The following LTBP1 variants were observed in gnomAD, a reference collection of about 807,000 sequenced individuals.
LTBP1 encodes the protein latent-transforming growth factor beta-binding protein 1.
A neutral mutation model predicts 207.6 loss-of-function variants in LTBP1; 129 were observed. The observed-to-expected ratio is 0.62, with a 90% CI of 0.54 to 0.72. The LOEUF (loss-of-function observed/expected upper bound fraction) is 0.72. LTBP1 is among the 30% of genes least tolerant of loss of function. The pLI is 0.00. For synonymous variants in LTBP1, 963 were observed against 833.7 expected, an observed-to-expected ratio of 1.16 and a Z score of -2.67; for missense variants, 2,281 against 2,217.2, an observed-to-expected ratio of 1.03 and a Z score of -0.58.
At chr2:32,985,684 C>G (rs1274710646) in intron 2 of LTBP1, among the ~76,000 whole-genome samples, 5 of 152,152 alleles carry the variant, frequency 3.3e-5, no homozygotes, top group African/African-American at 4.8e-5. Context: ...TTCATTGATT[C>G]AAATAATATT....
chr2:33,028,666 A>G (rs1057232601), intron 3 of LTBP1, among the ~76,000 whole-genome samples: 5 of 152,190 alleles, frequency 3.3e-5, no homozygotes, highest in African/African-American at 1.2e-4. Flanking sequence ...TTCAAGTACC[A>G]TAAAGTCCCA....
At chr2:33,241,448 G>A (rs942074154) in intron 9 of LTBP1, among the ~76,000 whole-genome samples, 2 of 152,226 alleles carry the variant, frequency 1.3e-5, no homozygotes, top group African/African-American at 2.4e-5. Context: ...AGGGGCATTG[G>A]AAGAGGGTAC....
At chr2:32,957,474 G>A (rs1457404689) in intron 2 of LTBP1, among the ~76,000 whole-genome samples, 3 of 152,140 alleles carry the variant, frequency 2.0e-5, no homozygotes, top group Non-Finnish European at 2.9e-5. Flanking sequence ...GAGAGATGAG[G>A]GAACGGCTGG....
intron 7 of LTBP1, among the ~76,000 whole-genome samples, chr2:33,196,780 T>C (rs2088618702): frequency 6.6e-6 from 1 of 152,194 alleles, no homozygotes; most frequent in South Asian, 2.1e-4. Flanking sequence ...CCTTGATTAA[T>C]ATTAGGAAGG....
At chr2:33,198,934 C>T (rs1470187984) in intron 7 of LTBP1, among the ~76,000 whole-genome samples, 3 of 152,118 alleles carry the variant, frequency 2.0e-5, no homozygotes, top group African/African-American at 7.2e-5. Context: ...TTCTTGCCTT[C>T]TGCTAGCTTT....
chr2:33,073,882 C>T (rs149834977), intron 3 of LTBP1, among the ~76,000 whole-genome samples: 1,739 of 152,316 alleles, frequency 0.011, 36 homozygotes, highest in African/African-American at 0.04. Flanking sequence ...CCGCCTCGGC[C>T]TCCCGAAGTG....
At chr2:33,387,771 A>G (rs551784470) in intron 31 of LTBP1, among the ~76,000 whole-genome samples, 2 of 151,716 alleles carry the variant, frequency 1.3e-5, no homozygotes, top group Admixed American at 6.6e-5. Context: ...AATAAACACA[A>G]TAGGGGAAAA....
intron 20 of LTBP1, 61 bp downstream of exon 20, chr2:33,293,343 C>CA: frequency 6.7e-7 from 1 of 1,501,400 alleles, no homozygotes; most frequent in Non-Finnish European, 9.0e-7. Context: ...TAGATTAGAG[C>CA]AATTAGCCTT....
intron 25 of LTBP1, among the ~76,000 whole-genome samples, chr2:33,344,034 A>G (rs1043162582): frequency 6.6e-6 from 1 of 152,234 alleles, no homozygotes; most frequent in African/African-American, 2.4e-5. Context: ...AAAATTTGCA[A>G]TTAAGACATT....
At chr2:33,022,043 G>T (rs1035773815) in intron 3 of LTBP1, among the ~76,000 whole-genome samples, 1 of 152,166 alleles carries the variant, frequency 6.6e-6, no homozygotes, top group Admixed American at 6.5e-5. Context: ...TGGGCTTGAC[G>T]TAGCAGTTCA....
Position 33,145,064 on chromosome 2 carries a change from T to C in LTBP1, c.1201+10104T>C, listed in dbSNP as rs150876225. Among the ~76,000 whole-genome samples, 60 of 152,152 alleles carry C rather than the reference T, an allele frequency of 3.9e-4. 2 individuals are homozygous for C. The East Asian group carries it at 8.7e-3, about 22-fold the overall frequency. On this transcript the variant is annotated intron_variant, in intron 5 of 33. Transcript: ENST00000404816. ...TCATAAAGAAAGAAAATAAGAAGAGTCAGATGCCCTTCCATTGCCAATTTA... is the reference window on the plus strand; with the variant it reads ...TCATAAAGAAAGAAAATAAGAAGAGCCAGATGCCCTTCCATTGCCAATTTA...
chr2:32,989,378 C>T (rs1217767778), intron 2 of LTBP1, among the ~76,000 whole-genome samples: 1 of 152,166 alleles, frequency 6.6e-6, no homozygotes, highest in African/African-American at 2.4e-5. Flanking sequence ...AGTCACAAAT[C>T]ATTTGCATAA....
At chr2:33,224,698 C>G (rs940547114) in intron 9 of LTBP1, among the ~76,000 whole-genome samples, 3 of 152,110 alleles carry the variant, frequency 2.0e-5, no homozygotes, top group Admixed American at 6.5e-5. Context: ...TCCAAAATGT[C>G]AAATGTATTA....
chr2:33,241,988 G>C (rs11692723), intron 9 of LTBP1, among the ~76,000 whole-genome samples: 44,125 of 152,110 alleles, frequency 0.29, 7,270 homozygotes, highest in African/African-American at 0.44. Context: ...TCTAGCTGTA[G>C]CAGTTTCCAG....
chr2:33,124,485 A>T (rs2081327332), intron 4 of LTBP1, among the ~76,000 whole-genome samples: 1 of 152,230 alleles, frequency 6.6e-6, no homozygotes, highest in Admixed American at 6.5e-5. Flanking sequence ...GATGTTCATT[A>T]TGATACCTGT....
chr2:33,117,656 T>C (rs1322447503), intron 4 of LTBP1, among the ~76,000 whole-genome samples: 1 of 152,192 alleles, frequency 6.6e-6, no homozygotes, highest in African/African-American at 2.4e-5. Flanking sequence ...GAACGTTGCT[T>C]AAAGGCTCTG....
At position 33,194,974 on chromosome 2, in the gene LTBP1, T is replaced by A. The variant is rs148483162; in HGVS notation, c.1701+6123T>A. On this transcript the variant is annotated intron_variant, in intron 7 of 33. Coordinates refer to ENST00000404816, the MANE Select transcript of LTBP1 (RefSeq NM_206943.4). Reference sequence around the variant, plus strand: ...CTCTGCCTGTGCTATATAAAGAGAATAGCAAAGCCCGGATGACGGCACATG... The same window carrying A: ...CTCTGCCTGTGCTATATAAAGAGAAAAGCAAAGCCCGGATGACGGCACATG... 3.4e-3 allele frequency among the ~76,000 whole-genome samples: 515 copies of A among 152,322 alleles called. 4 individuals are homozygous for A. The highest frequency in any genetic ancestry group is 0.012 in the African/African-American group (495 of 41,566).
chr2:33,195,796 A>C (rs1317902839), intron 7 of LTBP1, among the ~76,000 whole-genome samples: 1 of 152,176 alleles, frequency 6.6e-6, no homozygotes, highest in African/African-American at 2.4e-5. Flanking sequence ...ACTACAGAGA[A>C]ATATTTAGTA....
At position 33,120,848 on chromosome 2, in the gene LTBP1, G is replaced by A. The variant is rs1049393081; in HGVS notation, c.1033+10097G>A. ...TGTATTTTTTAAAGTAATTTTTTTC[G>A]CAATTAAACATCATCTTTATTAAGC... is the stretch of plus-strand genomic sequence containing the variant. On this transcript the variant is annotated intron_variant, in intron 4 of 33. Coordinates refer to ENST00000404816, the MANE Select transcript of LTBP1 (RefSeq NM_206943.4). 3.9e-5 allele frequency among the ~76,000 whole-genome samples: 6 copies of A among 152,024 alleles called. No individual in the cohort carries two copies. In the South Asian group the frequency reaches 8.3e-4, roughly 21 times the overall value.
Sources: gnomAD v4.1 joint callset for allele counts (sites outside exome capture counted in the v4.1 genomes callset) on GRCh38, gnomAD v4.1.1 for gene constraint, MANE v1.5 for transcripts, NCBI Gene and HGNC (gene_info 2026-07-23, HGNC 2026-07-21) for gene names.